ZNF277: variants seen among roughly 807,000 people sequenced by gnomAD.
ZNF277 encodes the protein zinc finger protein 277.
In ZNF277, 55 loss-of-function variants were observed where a neutral mutation model predicts 60.7. The observed-to-expected ratio is 0.91, with a 90% CI of 0.73 to 1.13. The LOEUF is 1.13. Among genes scored for constraint, ZNF277 ranks in the 50% most tolerant of loss-of-function variants. ZNF277 has a pLI of 0.00. For synonymous variants in ZNF277, 178 were observed against 179.3 expected, an observed-to-expected ratio of 0.99 and a Z score of 0.06; for missense variants, 510 against 523.0, an observed-to-expected ratio of 0.98 and a Z score of 0.24.
Position 112,215,722 on chromosome 7 carries a change from G to C in ZNF277, c.91+8915G>C, listed in dbSNP as rs140852911. Among the ~76,000 whole-genome samples, 409 of 152,190 alleles carry C rather than the reference G, an allele frequency of 2.7e-3. 2 individuals are homozygous for C. The highest frequency in any genetic ancestry group is 9.5e-3 in the African/African-American group (396 of 41,524). ...TTCTCTAATACTGTCCTCATTTCAT[G>C]TTTTTTTCTTAACTGAAAGAACTCT... On this transcript the variant is annotated intron_variant, in intron 1 of 11. Coordinates refer to ENST00000361822, the MANE Select transcript of ZNF277 (RefSeq NM_021994.3).
chr7:112,290,494 T>C (rs1384072612), intron 2 of ZNF277, among the ~76,000 whole-genome samples: 1 of 152,186 alleles, frequency 6.6e-6, no homozygotes, highest in Non-Finnish European at 1.5e-5. Context: ...ATAAAATGGA[T>C]GCTTTAATTA....
intron 1 of ZNF277, among the ~76,000 whole-genome samples, chr7:112,207,440 T>G (rs1821559361): frequency 1.3e-5 from 2 of 152,174 alleles, no homozygotes; most frequent in South Asian, 4.1e-4. Context: ...CTCTGGGTCC[T>G]TAGAGAAAGA....
chr7:112,336,206 G>A (rs1793330444), intron 8 of ZNF277, 35 bp downstream of exon 8: 2 of 1,556,822 alleles, frequency 1.3e-6, no homozygotes, highest in Non-Finnish European at 8.8e-7. Flanking sequence ...TAATTGCAGT[G>A]TTCCAAGAGT....
intron 1 of ZNF277, among the ~76,000 whole-genome samples, chr7:112,245,095 T>A (rs1407504840): frequency 6.6e-6 from 1 of 152,220 alleles, no homozygotes; most frequent in East Asian, 1.9e-4. Context: ...ACATCTACTC[T>A]TCTTTTCTAG....
At chr7:112,251,479 A>G (rs1791199189) in intron 1 of ZNF277, among the ~76,000 whole-genome samples, 1 of 152,226 alleles carries the variant, frequency 6.6e-6, no homozygotes, top group Non-Finnish European at 1.5e-5. Context: ...CAGTCAAATG[A>G]AATACTGTTA....
At chr7:112,340,199 G>A (rs1403795429) in intron 10 of ZNF277, among the ~76,000 whole-genome samples, 1 of 152,186 alleles carries the variant, frequency 6.6e-6, no homozygotes, top group Non-Finnish European at 1.5e-5. Flanking sequence ...AGTCAAACTA[G>A]AGTTCAGATT....
chr7:112,319,689 TA>T (rs1390225418), intron 5 of ZNF277, among the ~76,000 whole-genome samples: 20 of 147,636 alleles, frequency 1.4e-4, no homozygotes, highest in East Asian at 1.2e-3. Context: ...ATAAATTATA[TA>T]AATTTATAAA....
At chr7:112,215,952 G>A (rs1192831502) in intron 1 of ZNF277, among the ~76,000 whole-genome samples, 2 of 152,126 alleles carry the variant, frequency 1.3e-5, no homozygotes, top group African/African-American at 4.8e-5. Context: ...CCCGCTAATC[G>A]TAATTACCAT....
intron 1 of ZNF277, among the ~76,000 whole-genome samples, chr7:112,270,812 A>G (rs1791651324): frequency 6.6e-6 from 1 of 152,138 alleles, no homozygotes; most frequent in Admixed American, 6.5e-5. Flanking sequence ...AAGTTATAAA[A>G]TTGATCATAT....
rs1464229268 is a variant in ZNF277 at position 112,339,830 on chromosome 7, A to G, written c.967-13A>G. ...AATTCATATGCTTACAGATGTATTC[A>G]TTCCTTTTTTAGGATGCACACGAAT... On this transcript the variant is annotated splice_polypyrimidine_tract_variant and intron_variant, in intron 9 of 11. Coordinates refer to ENST00000361822, the MANE Select transcript of ZNF277 (RefSeq NM_021994.3). 6.2e-7 allele frequency: 1 copy of G among 1,610,816 alleles called. No individual in the cohort carries two copies. Among genetic ancestry groups the G allele is most frequent in the East Asian group, 2.2e-5 (1 of 44,868 alleles).
At chr7:112,220,355 C>T (rs1821993855) in intron 1 of ZNF277, among the ~76,000 whole-genome samples, 1 of 150,796 alleles carries the variant, frequency 6.6e-6, no homozygotes, top group South Asian at 2.1e-4. Context: ...TATAGAAATG[C>T]TGATGATTTT....
At chr7:112,263,496 A>G (rs1384788375) in intron 1 of ZNF277, among the ~76,000 whole-genome samples, 1 of 152,230 alleles carries the variant, frequency 6.6e-6, no homozygotes, top group African/African-American at 2.4e-5. Flanking sequence ...GATGCCTAAT[A>G]GAAACAGGCC....
At chr7:112,207,627 T>TA (rs1821581117) in intron 1 of ZNF277, among the ~76,000 whole-genome samples, 1 of 152,194 alleles carries the variant, frequency 6.6e-6, no homozygotes, top group Non-Finnish European at 1.5e-5. Flanking sequence ...TCTTTTACCT[T>TA]TAGTCTATCC....
chr7:112,314,568 A>G (rs1792800957), intron 4 of ZNF277, among the ~76,000 whole-genome samples: 1 of 152,050 alleles, frequency 6.6e-6, no homozygotes, highest in African/African-American at 2.4e-5. Flanking sequence ...CTGAGGGAGG[A>G]GGATCACTTG....
At chr7:112,282,788 G>A (rs1030992001) in intron 1 of ZNF277, among the ~76,000 whole-genome samples, 2 of 152,236 alleles carry the variant, frequency 1.3e-5, no homozygotes, top group African/African-American at 4.8e-5. Context: ...GAGTGCTAAA[G>A]TGTAAGCAAG....
At chr7:112,218,048 T>C (rs1276590369) in intron 1 of ZNF277, among the ~76,000 whole-genome samples, 1 of 152,158 alleles carries the variant, frequency 6.6e-6, no homozygotes, top group Non-Finnish European at 1.5e-5. Context: ...GATCCCCAAA[T>C]TTGGGGAGAT....
chr7:112,280,943 C>T (rs1791929497), intron 1 of ZNF277, among the ~76,000 whole-genome samples: 1 of 152,058 alleles, frequency 6.6e-6, no homozygotes, highest in Non-Finnish European at 1.5e-5. Context: ...TGTCTTTTAC[C>T]ATGGAGTAAG....
chr7:112,298,157 C>T (rs1319596142), intron 4 of ZNF277, among the ~76,000 whole-genome samples: 1 of 152,072 alleles, frequency 6.6e-6, no homozygotes, highest in Non-Finnish European at 1.5e-5. Context: ...GTACGGTCTA[C>T]TTAGAGAAGA....
At chr7:112,297,943 A>G (rs1429846119) in intron 4 of ZNF277, among the ~76,000 whole-genome samples, 1 of 152,188 alleles carries the variant, frequency 6.6e-6, no homozygotes, top group African/African-American at 2.4e-5. Context: ...AAAAATACCT[A>G]CATATACTGC....
Sources: gnomAD v4.1 joint callset for allele counts (sites outside exome capture counted in the v4.1 genomes callset) on GRCh38, gnomAD v4.1.1 for gene constraint, MANE v1.5 for transcripts, NCBI Gene and HGNC (gene_info 2026-07-23, HGNC 2026-07-21) for gene names.